CBR4: variants seen among roughly 807,000 people sequenced by gnomAD.
The protein encoded by CBR4 is 3-oxoacyl-[acyl-carrier-protein] reductase.
Under a neutral mutation model 21.0 loss-of-function variants are expected in CBR4, and 22 were observed. That is an observed-to-expected ratio of 1.05 (90% CI 0.75 to 1.50). The LOEUF (loss-of-function observed/expected upper bound fraction) is 1.50. Ranked by LOEUF, CBR4 falls within the 40% of genes most tolerant of loss-of-function variation. CBR4 has a pLI of 0.00. For missense variants in CBR4, 302 were observed against 286.3 expected, an observed-to-expected ratio of 1.05 and a Z score of -0.40; for synonymous variants, 100 against 104.4, an observed-to-expected ratio of 0.96 and a Z score of 0.26.
chr4:168,940,872 C>T (rs1017017633), intron 2 of CBR4, among the ~76,000 whole-genome samples: 3 of 152,066 alleles, frequency 2.0e-5, no homozygotes, highest in East Asian at 1.9e-4. Flanking sequence ...GACAGTGTGG[C>T]GATTCCTCAA....
intron 2 of CBR4, among the ~76,000 whole-genome samples, chr4:168,939,707 A>C (rs958235947): frequency 2.6e-5 from 4 of 152,160 alleles, no homozygotes; most frequent in Non-Finnish European, 5.9e-5. Flanking sequence ...AAGAGAATAA[A>C]ATACTTAGGA....
At chr4:169,006,017 C>G in intron 3 of CBR4, 1 of 741,402 alleles carries the variant, frequency 1.3e-6, no homozygotes, top group South Asian at 1.4e-5. Flanking sequence ...ATTTTAAGTT[C>G]TACAGGCATA....
chr4:169,004,538 C>G (rs754775037), intron 3 of CBR4, among the ~76,000 whole-genome samples: 1 of 152,178 alleles, frequency 6.6e-6, no homozygotes, highest in African/African-American at 2.4e-5. Context: ...GTCATTTCAA[C>G]AGTATTCACA....
rs1169471636 is a variant in CBR4 at position 168,937,627 on chromosome 4, TA to T, written n.170-42863del. 7.3e-5 allele frequency among the ~76,000 whole-genome samples: 5 copies of T among 68,708 alleles called. No homozygotes were observed. In the East Asian group the frequency reaches 3.1e-3, roughly 43 times the overall value. 45.1% of individuals were successfully genotyped at this position (68,708 alleles called of 152,430 possible). ...AATGGAAGAATATTTACCAAGCAAA[TA>T]AAAAAAGCAAAAAAAAAAAAAAGTG... On this transcript the variant is annotated intron_variant and non_coding_transcript_variant, in intron 2 of 3. Transcript: ENST00000509108.
chr4:168,963,470 C>CTT lies in CBR4; in HGVS notation n.169+38599_169+38600dup, dbSNP rs398064262. ...CAAATTCAGAAACTCCTGTATAAAT[C>CTT]TTTTTTTTTTTTTTTTTGAGATGGA... On this transcript the variant is annotated intron_variant and non_coding_transcript_variant, in intron 2 of 3. Transcript: ENST00000509108. 7.9e-4 allele frequency among the ~76,000 whole-genome samples: 108 copies of CTT among 137,544 alleles called. 2 individuals are homozygous for CTT. The South Asian group carries it at 0.011, about 13-fold the overall frequency. 90.2% of individuals were successfully genotyped at this position (137,544 alleles called of 152,430 possible).
intron 2 of CBR4, among the ~76,000 whole-genome samples, chr4:168,953,578 C>T (rs775185724): frequency 6.6e-6 from 1 of 151,824 alleles, no homozygotes. Flanking sequence ...GCATGCACCA[C>T]CTGCAAAGCT....
intron 2 of CBR4, among the ~76,000 whole-genome samples, chr4:168,943,115 G>C (rs924237413): frequency 2.0e-5 from 3 of 152,158 alleles, no homozygotes; most frequent in African/African-American, 7.2e-5. Context: ...CCTACCAGTG[G>C]ACATTTATCC....
chr4:168,940,823 C>G (rs1388449902), intron 2 of CBR4, among the ~76,000 whole-genome samples: 1 of 152,222 alleles, frequency 6.6e-6, no homozygotes, highest in African/African-American at 2.4e-5. Context: ...CACTTTTACA[C>G]TGTTGGTGGG....
chr4:168,923,627 A>G (rs1762015237), intron 2 of CBR4, among the ~76,000 whole-genome samples: 1 of 152,004 alleles, frequency 6.6e-6, no homozygotes, highest in African/African-American at 2.4e-5. Context: ...GTTATAATAA[A>G]GCTTTTTTAT....
At chr4:168,986,949 ATTAAT>A (rs1299906510), downstream of CBR4, among the ~76,000 whole-genome samples, 2 of 152,192 alleles carry the variant, frequency 1.3e-5, no homozygotes, top group African/African-American at 2.4e-5. Flanking sequence ...CTCAAAATAA[ATTAAT>A]TTAATTAAAT....
At chr4:168,908,795 G>A (rs2151360455) in intron 2 of CBR4, among the ~76,000 whole-genome samples, 1 of 152,308 alleles carries the variant, frequency 6.6e-6, no homozygotes, top group South Asian at 2.1e-4. Context: ...GAGCTCTCCT[G>A]AGCAGTGGAA....
chr4:168,944,508 G>A (rs1165401646), intron 2 of CBR4, among the ~76,000 whole-genome samples: 1 of 151,650 alleles, frequency 6.6e-6, no homozygotes, highest in Non-Finnish European at 1.5e-5. Flanking sequence ...TTAAAAAAAA[G>A]AGAGAAAAGA....
At chr4:168,917,048 GGT>G (rs1491264418) in intron 2 of CBR4, among the ~76,000 whole-genome samples, 3 of 143,458 alleles carry the variant, frequency 2.1e-5, no homozygotes, top group African/African-American at 5.1e-5. Flanking sequence ...GTTTTTTTGG[GGT>G]TTTTTTTTTT....
chr4:168,942,628 A>G (rs1763294598), intron 2 of CBR4, among the ~76,000 whole-genome samples: 1 of 152,132 alleles, frequency 6.6e-6, no homozygotes, highest in Admixed American at 6.5e-5. Flanking sequence ...AATAAATATT[A>G]TTAAATCAAA....
chr4:168,921,420 A>C (rs1761483366), intron 2 of CBR4: 2 of 666,958 alleles, frequency 3.0e-6, no homozygotes, highest in African/African-American at 3.7e-5. Context: ...AAAAAAAAAA[A>C]AAAAAAGCCA....
Position 168,916,062 on chromosome 4 carries a change from C to G in CBR4, n.170-21297G>C, listed in dbSNP as rs769936930. ...TGTTATTGCTTGCATATCCTATTGC[C>G]CCACTTCTCCCTCACTTGCCATTTC... On this transcript the variant is annotated intron_variant and non_coding_transcript_variant, in intron 2 of 3. Transcript: ENST00000509108. 6.5e-5 allele frequency: 104 copies of G among 1,591,602 alleles called. 1 individual carries two copies. The South Asian group carries it at 8.1e-4, about 12-fold the overall frequency.
At chr4:168,955,616 CA>C (rs758335905) in intron 2 of CBR4, among the ~76,000 whole-genome samples, 133 of 152,238 alleles carry the variant, frequency 8.7e-4, no homozygotes, top group Non-Finnish European at 1.4e-3. Flanking sequence ...TAAAGCAAAG[CA>C]GGATTACTAT....
At chr4:168,942,998 G>C (rs1296648977) in intron 2 of CBR4, among the ~76,000 whole-genome samples, 3 of 152,076 alleles carry the variant, frequency 2.0e-5, no homozygotes, top group Non-Finnish European at 1.5e-5. Context: ...AGAGAAACAG[G>C]AACTCATGCA....
intron 4 of CBR4, among the ~76,000 whole-genome samples, chr4:168,998,515 G>A (rs912214155): frequency 6.6e-6 from 1 of 152,138 alleles, no homozygotes; most frequent in Non-Finnish European, 1.5e-5. Flanking sequence ...TTAGTGTACT[G>A]GGGAGATTGG....
Sources: allele counts gnomAD v4.1 joint callset (sites outside exome capture counted in the v4.1 genomes callset), GRCh38; gene constraint gnomAD v4.1.1; transcripts MANE v1.5; gene names NCBI Gene and HGNC (gene_info 2026-07-23, HGNC 2026-07-21).